KCNMB2: variants seen among roughly 807,000 people sequenced by gnomAD.
The protein encoded by KCNMB2 is potassium calcium-activated channel subfamily M regulatory beta subunit 2, also known as calcium-activated potassium channel subunit beta-2.
Under a neutral mutation model 24.5 loss-of-function variants are expected in KCNMB2, and 9 were observed. The ratio of observed to expected loss-of-function variants is 0.37; its 90% CI spans 0.22 to 0.64. The LOEUF is 0.64. Ranked by LOEUF, KCNMB2 falls within the 30% of genes least tolerant of loss-of-function variation. The pLI is 0.63. For synonymous variants in KCNMB2, 109 were observed against 104.4 expected (o/e 1.04, Z -0.27); for missense variants, 226 against 284.3 (o/e 0.79, Z 1.47).
intron 1 of KCNMB2, among the ~76,000 whole-genome samples, chr3:178,705,291 T>C (rs1413762536): frequency 1.3e-5 from 2 of 152,054 alleles, no homozygotes; most frequent in Non-Finnish European, 2.9e-5. Flanking sequence ...AGGTAGTCAC[T>C]TCCTATCCCA....
intron 1 of KCNMB2, among the ~76,000 whole-genome samples, chr3:178,650,201 T>C (rs1720060043): frequency 6.6e-6 from 1 of 152,218 alleles, no homozygotes; most frequent in African/African-American, 2.4e-5. Context: ...CACTGTGGTC[T>C]GAGAGACTGT....
At position 178,757,906 on chromosome 3, in the gene KCNMB2, C is replaced by CATATATATATCCAAGAGGATAT. The variant is rs1560006099; in HGVS notation, c.-67-49429_-67-49408dup. 1.1e-3 allele frequency among the ~76,000 whole-genome samples: 77 copies of CATATATATATCCAAGAGGATAT among 72,106 alleles called. 2 individuals carry two copies. Among genetic ancestry groups the CATATATATATCCAAGAGGATAT allele is most frequent in the African/African-American group, 1.8e-3 (29 of 16,458 alleles). 47.3% of individuals were successfully genotyped at this position (72,106 alleles called of 152,430 possible). ...ATACATATATATATCCAAGAGGATACATATATATATCCAAGAGGATATATA... is the reference window on the plus strand; with the variant it reads ...ATACATATATATATCCAAGAGGATACATATATATATCCAAGAGGATATATATATATATCCAAGAGGATATATA... On this transcript the variant is annotated intron_variant, in intron 1 of 4. Coordinates refer to ENST00000452583, the MANE Select transcript of KCNMB2 (RefSeq NM_181361.3).
chr3:178,619,467 T>C (rs1345429680), intron 1 of KCNMB2, among the ~76,000 whole-genome samples: 1 of 152,120 alleles, frequency 6.6e-6, no homozygotes, highest in Non-Finnish European at 1.5e-5. Flanking sequence ...AGACTATAAA[T>C]ACCAAGAGGA....
At position 178,758,029 on chromosome 3, in the gene KCNMB2, TATATATATATATCTAG is replaced by T. The variant is rs1174446402; in HGVS notation, c.-67-49301_-67-49286del. On this transcript the variant is annotated intron_variant, in intron 1 of 4. Coordinates refer to ENST00000452583, the MANE Select transcript of KCNMB2 (RefSeq NM_181361.3). ...TATATATATATATATATCTAGAGGATATATATATATATCTAGATATATATATATATCTCCAAGAGGA... is the reference window on the plus strand; with the variant it reads ...TATATATATATATATATCTAGAGGATATATATATATATATCTCCAAGAGGA... 9.0e-3 allele frequency among the ~76,000 whole-genome samples: 15 copies of T among 1,672 alleles called. 3 individuals are homozygous for T. The highest frequency in any genetic ancestry group is 0.083 in the Admixed American group (6 of 72). The allele number at this position is 1,672 out of a possible 152,430, so 1.1% of individuals were successfully genotyped here. A position where few individuals can be genotyped will look rare whatever the true frequency, so the allele number is the denominator to read the frequency against.
chr3:178,828,038 TA>T, intron 3 of KCNMB2, 139 bp from the exon 4 acceptor site: 1 of 673,366 alleles, frequency 1.5e-6, no homozygotes, highest in Non-Finnish European at 2.5e-6. Context: ...TTCGAAGGCC[TA>T]AACTTTACAC....
chr3:178,610,165 T>G (rs1718432102), intron 1 of KCNMB2, among the ~76,000 whole-genome samples: 1 of 152,230 alleles, frequency 6.6e-6, no homozygotes, highest in Admixed American at 6.5e-5. Flanking sequence ...ACCATGCTGT[T>G]TTGTTTACTG....
intron 1 of KCNMB2, among the ~76,000 whole-genome samples, chr3:178,758,861 C>A (rs1185038164): frequency 1.3e-3 from 12 of 9,008 alleles, no homozygotes; most frequent in African/African-American, 1.5e-3. Context: ...ATATATATAT[C>A]TCTCCAAGAG....
chr3:178,756,326 T>C (rs891137950), intron 1 of KCNMB2, among the ~76,000 whole-genome samples: 2 of 151,912 alleles, frequency 1.3e-5, no homozygotes, highest in Non-Finnish European at 1.5e-5. Flanking sequence ...ATTTGCATTA[T>C]TTATGTTATG....
intron 1 of KCNMB2, among the ~76,000 whole-genome samples, chr3:178,759,627 C>T (rs1204308413): frequency 8.3e-6 from 1 of 121,160 alleles, no homozygotes; most frequent in African/African-American, 3.3e-5. Flanking sequence ...ATATATCTCT[C>T]TCCAAGAGGA....
At chr3:178,573,746 CAAAA>C (rs11348394) in intron 1 of KCNMB2, among the ~76,000 whole-genome samples, 263 of 78,970 alleles carry the variant, frequency 3.3e-3, no homozygotes, top group South Asian at 0.011. Context: ...GACCCTGTCT[CAAAA>C]AAAAAAAAAA....
At chr3:178,700,277 GT>G (rs1722040670) in intron 1 of KCNMB2, among the ~76,000 whole-genome samples, 1 of 152,134 alleles carries the variant, frequency 6.6e-6, no homozygotes, top group Non-Finnish European at 1.5e-5. Flanking sequence ...AACCAATTCA[GT>G]ACTTATCTCC....
chr3:178,741,864 C>T (rs1381059762), intron 1 of KCNMB2, among the ~76,000 whole-genome samples: 3 of 152,208 alleles, frequency 2.0e-5, no homozygotes, highest in African/African-American at 7.2e-5. Context: ...CTACCCAAGG[C>T]TCATAGGATA....
rs371493300 is a variant in KCNMB2 at position 178,772,718 on chromosome 3, A to T, written c.-67-34625A>T. On this transcript the variant is annotated intron_variant, in intron 1 of 4. Coordinates refer to ENST00000452583, the MANE Select transcript of KCNMB2 (RefSeq NM_181361.3). Reference sequence around the variant, plus strand: ...CCTAATGCAGATAACACTGCCTTGCATATAACAGGTGTTCAATAAATAATT... The same window carrying T: ...CCTAATGCAGATAACACTGCCTTGCTTATAACAGGTGTTCAATAAATAATT... Among the ~76,000 whole-genome samples, 3 of 152,348 alleles carry T rather than the reference A, an allele frequency of 2.0e-5. No individual in the cohort carries two copies. The East Asian group carries it at 5.8e-4, about 29-fold the overall frequency.
intron 1 of KCNMB2, among the ~76,000 whole-genome samples, chr3:178,656,703 T>C (rs897641062): frequency 6.6e-6 from 1 of 151,886 alleles, no homozygotes; most frequent in African/African-American, 2.4e-5. Flanking sequence ...AACCGGGAGA[T>C]GGAGGTTGCA....
At chr3:178,591,671 G>C (rs1004829087) in intron 1 of KCNMB2, among the ~76,000 whole-genome samples, 8 of 152,168 alleles carry the variant, frequency 5.3e-5, no homozygotes, top group Non-Finnish European at 1.0e-4. Flanking sequence ...ATCAAGGAGT[G>C]AGAGGCAGCT....
chr3:178,653,521 T>C (rs1720206282), intron 1 of KCNMB2, among the ~76,000 whole-genome samples: 1 of 152,174 alleles, frequency 6.6e-6, no homozygotes, highest in South Asian at 2.1e-4. Context: ...AGTATCTCCA[T>C]TAAGTACGAT....
At chr3:178,836,696 A>G (rs931211425) in intron 4 of KCNMB2, among the ~76,000 whole-genome samples, 10 of 152,122 alleles carry the variant, frequency 6.6e-5, no homozygotes, top group Non-Finnish European at 1.5e-4. Flanking sequence ...CATATTTTTT[A>G]TCAGTACTAA....
intron 1 of KCNMB2, among the ~76,000 whole-genome samples, chr3:178,563,254 T>G (rs1014594960): frequency 2.0e-5 from 3 of 152,230 alleles, no homozygotes; most frequent in Non-Finnish European, 2.9e-5. Context: ...CCGTTAAGGA[T>G]TAAATGAGTA....
At chr3:178,836,214 C>T (rs1202643767) in intron 4 of KCNMB2, among the ~76,000 whole-genome samples, 2 of 152,050 alleles carry the variant, frequency 1.3e-5, no homozygotes, top group Non-Finnish European at 2.9e-5. Context: ...TTCACACAAG[C>T]CTAGTGAGGC....
Sources: allele counts gnomAD v4.1 joint callset (sites outside exome capture counted in the v4.1 genomes callset), GRCh38; gene constraint gnomAD v4.1.1; transcripts MANE v1.5; gene names NCBI Gene and HGNC (gene_info 2026-07-23, HGNC 2026-07-21).